FAM193A: variants seen among roughly 807,000 people sequenced by gnomAD.
FAM193A encodes the protein protein FAM193A.
In FAM193A, 22 loss-of-function variants were observed where a neutral mutation model predicts 126.5. That is an observed-to-expected ratio of 0.17 (90% CI 0.12 to 0.25). The LOEUF is 0.25. Among genes scored for constraint, FAM193A ranks in the 10% least tolerant of loss-of-function variants. The pLI is 1.00. For synonymous variants in FAM193A, 761 were observed against 646.8 expected (o/e 1.18, Z -2.68); for missense variants, 1,675 against 1,672.8 (o/e 1.00, Z -0.02).
At chr4:2,610,329 T>C (rs1741790215) in intron 2 of FAM193A, among the ~76,000 whole-genome samples, 2 of 150,766 alleles carry the variant, frequency 1.3e-5, no homozygotes, top group Non-Finnish European at 2.9e-5. Context: ...AGGCATATAG[T>C]CCCAACTTAA....
chr4:2,553,111 G>A (rs543017189), intron 1 of FAM193A, among the ~76,000 whole-genome samples: 8 of 152,232 alleles, frequency 5.3e-5, no homozygotes, highest in African/African-American at 1.4e-4. Context: ...GTCTCCCAGC[G>A]TGCTGGGATT....
At position 2,622,499 on chromosome 4, in the gene FAM193A, G is replaced by A. The variant is rs1175876305; in HGVS notation, c.502-2763G>A. Among the ~76,000 whole-genome samples, 3 of 143,936 alleles carry A rather than the reference G, an allele frequency of 2.1e-5. No homozygotes were observed. The East Asian group carries it at 5.8e-4, about 28-fold the overall frequency. 94.4% of individuals were successfully genotyped at this position (143,936 alleles called of 152,430 possible). A position where few individuals can be genotyped will look rare whatever the true frequency, so the allele number is the denominator to read the frequency against. On this transcript the variant is annotated intron_variant, in intron 2 of 20. Transcript: ENST00000637812. The stretch of plus-strand genomic sequence containing the variant: ...TTTGGCCCACTAGCGCTAGGCCTGT[G>A]GTCCTAATGGGTGGCCCAGTGGTTG...
At chr4:2,683,942 C>T (rs1162547270) in intron 13 of FAM193A, among the ~76,000 whole-genome samples, 1 of 152,226 alleles carries the variant, frequency 6.6e-6, no homozygotes, top group Non-Finnish European at 1.5e-5. Context: ...CTTTCCTTGG[C>T]CGTGTCGTCT....
chr4:2,631,192 CT>C (rs1374422533), intron 5 of FAM193A, 23 bp downstream of exon 5: 1 of 1,583,886 alleles, frequency 6.3e-7, no homozygotes, highest in Non-Finnish European at 8.6e-7. Context: ...ACGTGTTTTT[CT>C]TTCTGTTTGG....
intron 2 of FAM193A, among the ~76,000 whole-genome samples, chr4:2,606,756 AC>A (rs1741574083): frequency 6.6e-6 from 1 of 152,216 alleles, no homozygotes; most frequent in South Asian, 2.1e-4. Context: ...CATATTTGTT[AC>A]AAAAAAATCA....
At chr4:2,657,097 G>A (rs1318985631) in intron 7 of FAM193A, among the ~76,000 whole-genome samples, 1 of 152,196 alleles carries the variant, frequency 6.6e-6, no homozygotes, top group Non-Finnish European at 1.5e-5. Context: ...GAACCCAGGA[G>A]GCAGAGGTTG....
rs113292072 is a variant in FAM193A, at chr4:2,603,275, C to T, written c.501+6946C>T. On this transcript the variant is annotated intron_variant, in intron 2 of 20. Transcript: ENST00000637812. The stretch of plus-strand genomic sequence containing the variant: ...CTGGGATTATAGGTGTGAGCCACCG[C>T]GCCTGGCTTTTTTTGTTTTTTTTTT... Among the ~76,000 whole-genome samples the T allele has an allele frequency of 8.4e-3, 799 of 94,660 alleles. 4 individuals carry two copies. The highest frequency in any genetic ancestry group is 0.029 in the African/African-American group (698 of 24,240). The allele number at this position is 94,660 out of a possible 152,430, so 62.1% of individuals were successfully genotyped here.
intron 2 of FAM193A, among the ~76,000 whole-genome samples, chr4:2,599,141 G>C (rs74662349): frequency 0.033 from 5,030 of 152,210 alleles, 292 homozygotes; most frequent in African/African-American, 0.11. Flanking sequence ...GGGAACATTC[G>C]TTTTGGGGCT....
At chr4:2,677,702 T>G (rs1714580176) in intron 13 of FAM193A, among the ~76,000 whole-genome samples, 1 of 150,630 alleles carries the variant, frequency 6.6e-6, no homozygotes, top group South Asian at 2.1e-4. Context: ...GATCGCGCCA[T>G]TGCACTCCAG....
chr4:2,536,348 TCAC>T (rs1212617808), upstream of FAM193A, among the ~76,000 whole-genome samples: 2 of 151,244 alleles, frequency 1.3e-5, no homozygotes. Context: ...GGCGGTGACA[TCAC>T]CGCCGCATCC....
chr4:2,617,084 C>T (rs1742233155), intron 2 of FAM193A, among the ~76,000 whole-genome samples: 1 of 135,872 alleles, frequency 7.4e-6, no homozygotes, highest in Non-Finnish European at 1.6e-5. Context: ...TGGAGAATTG[C>T]TTGAACTCAG....
chr4:2,622,312 G>A (rs1742602039), intron 2 of FAM193A, among the ~76,000 whole-genome samples: 2 of 137,116 alleles, frequency 1.5e-5, no homozygotes, highest in African/African-American at 2.8e-5. Context: ...TTAATTCAAA[G>A]CCTCTTCCCC....
chr4:2,562,848 T>A (rs917770923), intron 1 of FAM193A, among the ~76,000 whole-genome samples: 1 of 151,976 alleles, frequency 6.6e-6, no homozygotes, highest in Non-Finnish European at 1.5e-5. Context: ...CAGGATGGTC[T>A]GGAACTCCTG....
At chr4:2,569,023 G>T (rs1052234593) in intron 1 of FAM193A, among the ~76,000 whole-genome samples, 1 of 133,632 alleles carries the variant, frequency 7.5e-6, no homozygotes, top group African/African-American at 2.7e-5. Context: ...AGGCTGGAGT[G>T]TAATGGTATG....
chr4:2,552,542 C>T (rs1737994593), intron 1 of FAM193A, among the ~76,000 whole-genome samples: 1 of 151,912 alleles, frequency 6.6e-6, no homozygotes, highest in Non-Finnish European at 1.5e-5. Context: ...ACTTTCTTTT[C>T]TTTTCTTTTT....
chr4:2,725,756 G>T (rs1019735245), intron 20 of FAM193A, among the ~76,000 whole-genome samples: 1 of 151,422 alleles, frequency 6.6e-6, no homozygotes, highest in African/African-American at 2.4e-5. Flanking sequence ...CTGTCACCCA[G>T]GCCGGAGTGC....
rs146303350 is a variant in FAM193A at position 2,715,919 on chromosome 4, A to G, written c.4373-104A>G. On this transcript the variant is annotated intron_variant, in intron 19 of 20. Transcript: ENST00000637812. Reference sequence around the variant, plus strand: ...TCTCATTTTAGAAAAAATGTTTACAATTTTTGAAGTTGTTTAAATTGAGCG... The same window carrying G: ...TCTCATTTTAGAAAAAATGTTTACAGTTTTTGAAGTTGTTTAAATTGAGCG... The G allele has an allele frequency of 7.6e-4, 590 of 774,478 alleles. 3 individuals are homozygous for G. Among genetic ancestry groups the G allele is most frequent in the Admixed American group, 6.5e-3 (308 of 47,570 alleles). The allele number at this position is 774,478 out of a possible 1,614,324, so 48.0% of individuals were successfully genotyped here. A position where few individuals can be genotyped will look rare whatever the true frequency, so the allele number is the denominator to read the frequency against.
chr4:2,579,445 C>T (rs984055992), intron 1 of FAM193A, among the ~76,000 whole-genome samples: 2 of 152,134 alleles, frequency 1.3e-5, no homozygotes, highest in Non-Finnish European at 1.5e-5. Flanking sequence ...CACCTGTAAT[C>T]CCAGCACTTT....
Position 2,536,832 on chromosome 4 carries a change from GCCGCCTCAGCCTCC to G in FAM193A, c.-77_-64del, listed in dbSNP as rs1485221620. The G allele has an allele frequency of 6.8e-6, 1 of 146,716 alleles. No individual in the cohort carries two copies. Among genetic ancestry groups the G allele is most frequent in the Non-Finnish European group, 1.5e-5 (1 of 65,730 alleles). The allele number at this position is 146,716 out of a possible 1,614,324, so 9.1% of individuals were successfully genotyped here. ...GCTGGCCGGAGCGCCCGCCGCCGCG[GCCGCCTCAGCCTCC>G]CCGCCTTCCCCGCCCTCCGCCGCCG... is the stretch of plus-strand genomic sequence containing the variant. On this transcript the variant is annotated 5_prime_UTR_variant, in exon 1 of 21. Transcript: ENST00000637812.
Sources: allele counts gnomAD v4.1 joint callset (sites outside exome capture counted in the v4.1 genomes callset), GRCh38; gene constraint gnomAD v4.1.1; transcripts MANE v1.5; gene names NCBI Gene and HGNC (gene_info 2026-07-23, HGNC 2026-07-21).